GNA14: variants seen among roughly 807,000 people sequenced by gnomAD.
GNA14 encodes the protein G protein subunit alpha 14, also known as guanine nucleotide-binding protein subunit alpha-14.
In GNA14, 50 loss-of-function variants were observed where a neutral mutation model predicts 42.0. The observed-to-expected ratio is 1.19, with a 90% confidence interval of 0.95 to 1.51. GNA14 has a LOEUF of 1.51. Among genes scored for constraint, GNA14 ranks in the 40% most tolerant of loss-of-function variants. GNA14 has a pLI of 0.00. For synonymous variants in GNA14, 173 were observed against 163.1 expected (o/e 1.06, Z -0.46); for missense variants, 473 against 446.2 (o/e 1.06, Z -0.54).
chr9:77,630,770 A>G (rs992701415), intron 1 of GNA14, among the ~76,000 whole-genome samples: 1 of 152,198 alleles, frequency 6.6e-6, no homozygotes, highest in Non-Finnish European at 1.5e-5. Flanking sequence ...ATGCAGCTAC[A>G]AATGTCTCTT....
At chr9:77,515,122 T>A (rs949736411) in intron 2 of GNA14, among the ~76,000 whole-genome samples, 3 of 148,690 alleles carry the variant, frequency 2.0e-5, no homozygotes, top group Non-Finnish European at 3.0e-5. Context: ...TAAGGTCAAC[T>A]GCATGGGCTC....
At chr9:77,491,628 C>G (rs1411031721) in intron 2 of GNA14, among the ~76,000 whole-genome samples, 2 of 152,108 alleles carry the variant, frequency 1.3e-5, no homozygotes, top group Non-Finnish European at 1.5e-5. Context: ...ATATAAATAT[C>G]TATCCATCCA....
At chr9:77,509,879 G>A (rs890898315) in intron 2 of GNA14, among the ~76,000 whole-genome samples, 1 of 152,172 alleles carries the variant, frequency 6.6e-6, no homozygotes, top group Non-Finnish European at 1.5e-5. Flanking sequence ...CAACAGTGGG[G>A]CAAACTGGCA....
At chr9:77,521,359 T>C (rs1333388923) in intron 2 of GNA14, among the ~76,000 whole-genome samples, 1 of 152,226 alleles carries the variant, frequency 6.6e-6, no homozygotes, top group Non-Finnish European at 1.5e-5. Context: ...AATCTGAATT[T>C]TTCAAATTGG....
chr9:77,476,858 G>A (rs565274506), intron 2 of GNA14, among the ~76,000 whole-genome samples: 1 of 152,160 alleles, frequency 6.6e-6, no homozygotes. Context: ...ACATTTCAAG[G>A]CTCCTTCTGG....
chr9:77,612,847 A>G (rs562908321), intron 1 of GNA14, among the ~76,000 whole-genome samples: 1 of 152,342 alleles, frequency 6.6e-6, no homozygotes, highest in Admixed American at 6.5e-5. Flanking sequence ...TATAAGATCC[A>G]GAAATCCAAC....
intron 2 of GNA14, among the ~76,000 whole-genome samples, chr9:77,482,741 G>A (rs1476093432): frequency 6.6e-6 from 1 of 152,096 alleles, no homozygotes; most frequent in Non-Finnish European, 1.5e-5. Flanking sequence ...TTTCTTGGAG[G>A]CTTTGTTCAT....
chr9:77,432,344 G>A (rs1056769222), intron 3 of GNA14, among the ~76,000 whole-genome samples: 17 of 152,082 alleles, frequency 1.1e-4, no homozygotes, highest in African/African-American at 3.9e-4. Flanking sequence ...AAAGCTCTGG[G>A]GCAGCCTTCC....
At chr9:77,499,412 C>T (rs1397290698) in intron 2 of GNA14, among the ~76,000 whole-genome samples, 1 of 151,248 alleles carries the variant, frequency 6.6e-6, no homozygotes, top group African/African-American at 2.4e-5. Context: ...AACTGATGAC[C>T]ATATTGCAAA....
intron 2 of GNA14, among the ~76,000 whole-genome samples, chr9:77,473,535 TTAA>T (rs1836367983): frequency 6.6e-6 from 1 of 151,468 alleles, no homozygotes; most frequent in South Asian, 2.1e-4. Flanking sequence ...ATCTGGAGAC[TTAA>T]TATTGTTAAG....
At chr9:77,572,211 G>A (rs1823070806) in intron 1 of GNA14, among the ~76,000 whole-genome samples, 1 of 152,040 alleles carries the variant, frequency 6.6e-6, no homozygotes, top group Non-Finnish European at 1.5e-5. Flanking sequence ...CTAAAAGAAG[G>A]GCAATCACAG....
intron 1 of GNA14, among the ~76,000 whole-genome samples, chr9:77,580,856 T>C (rs977271519): frequency 2.0e-5 from 3 of 152,154 alleles, no homozygotes; most frequent in Admixed American, 1.3e-4. Flanking sequence ...CAGTAATACA[T>C]GTGCATGCAA....
intron 2 of GNA14, among the ~76,000 whole-genome samples, chr9:77,444,115 G>A (rs778247741): frequency 2.6e-5 from 4 of 152,190 alleles, no homozygotes; most frequent in Admixed American, 6.5e-5. Context: ...GCCTTGCACC[G>A]TGCTGGCTTA....
intron 2 of GNA14, among the ~76,000 whole-genome samples, chr9:77,494,571 A>G (rs1473090376): frequency 6.6e-6 from 1 of 152,204 alleles, no homozygotes; most frequent in Non-Finnish European, 1.5e-5. Flanking sequence ...TTTGTTTAAC[A>G]CTGTATTTCT....
At chr9:77,498,230 G>A (rs961394480) in intron 2 of GNA14, among the ~76,000 whole-genome samples, 2 of 151,830 alleles carry the variant, frequency 1.3e-5, no homozygotes, top group African/African-American at 2.4e-5. Context: ...AAAATTAGTC[G>A]GGGGTGATGG....
At chr9:77,434,191 G>T (rs1024850045) in intron 3 of GNA14, among the ~76,000 whole-genome samples, 177 bp downstream of exon 3, 3 of 152,186 alleles carry the variant, frequency 2.0e-5, no homozygotes, top group African/African-American at 4.8e-5. Flanking sequence ...GTGACCGAGG[G>T]CTTTAGGAGG....
intron 1 of GNA14, among the ~76,000 whole-genome samples, chr9:77,580,002 T>G (rs73462020): frequency 0.016 from 2,508 of 152,350 alleles, 69 homozygotes; most frequent in African/African-American, 0.057. Context: ...CTGGCAATTT[T>G]TAGGTGGGTT....
intron 1 of GNA14, among the ~76,000 whole-genome samples, chr9:77,598,788 T>C (rs111846035): frequency 2.0e-4 from 31 of 152,288 alleles, no homozygotes; most frequent in African/African-American, 7.5e-4. Context: ...CTTCCAGCTG[T>C]CTACACTCCA....
At chr9:77,514,295 C>A (rs1188008859) in intron 2 of GNA14, among the ~76,000 whole-genome samples, 1 of 152,136 alleles carries the variant, frequency 6.6e-6, no homozygotes, top group African/African-American at 2.4e-5. Flanking sequence ...AACAGCTGAG[C>A]ACGTCCTCTG....
Sources: allele counts gnomAD v4.1 joint callset (sites outside exome capture counted in the v4.1 genomes callset), GRCh38; gene constraint gnomAD v4.1.1; transcripts MANE v1.5; gene names NCBI Gene and HGNC (gene_info 2026-07-23, HGNC 2026-07-21).